AUTS2: variants seen among roughly 807,000 people sequenced by gnomAD.
AUTS2 encodes autism susceptibility gene 2 protein.
Under a neutral mutation model 112.4 loss-of-function variants are expected in AUTS2, and 17 were observed. The ratio of observed to expected loss-of-function variants is 0.15; its 90% confidence interval spans 0.10 to 0.23. AUTS2 has a LOEUF of 0.23. Ranked by LOEUF, AUTS2 falls within the 10% of genes least tolerant of loss-of-function variation. The probability of loss-of-function intolerance (pLI) is 1.00; values close to 1 mark genes in which losing one functional copy is unlikely to be tolerated. For missense variants in AUTS2, 1,510 were observed against 1,701.6 expected (o/e 0.89, Z 1.98); for synonymous variants, 751 against 702.7 (o/e 1.07, Z -1.09).
At chr7:70,117,109 T>C (rs201302556) in intron 2 of AUTS2, among the ~76,000 whole-genome samples, 1 of 90,732 alleles carries the variant, frequency 1.1e-5, no homozygotes, top group African/African-American at 4.5e-5. Flanking sequence ...CTTTTGTTTT[T>C]TTTTTTTGTT....
chr7:69,678,139 A>T (rs1327063128), intron 1 of AUTS2, among the ~76,000 whole-genome samples: 1 of 152,106 alleles, frequency 6.6e-6, no homozygotes, highest in African/African-American at 2.4e-5. Context: ...GGAAGTGCTC[A>T]TCTGAAAGGC....
chr7:70,675,020 G>A (rs1585485200), intron 5 of AUTS2, among the ~76,000 whole-genome samples: 1 of 152,136 alleles, frequency 6.6e-6, no homozygotes, highest in Non-Finnish European at 1.5e-5. Flanking sequence ...ATTCAGGCTG[G>A]CAATTTCTAT....
chr7:69,785,805 C>T (rs560416345), intron 1 of AUTS2, among the ~76,000 whole-genome samples: 52 of 152,306 alleles, frequency 3.4e-4, no homozygotes, highest in African/African-American at 1.2e-3. Context: ...TTCCACAAGA[C>T]ACCCTATCAC....
chr7:69,754,184 C>T (rs1336081289), intron 1 of AUTS2, among the ~76,000 whole-genome samples: 2 of 152,274 alleles, frequency 1.3e-5, no homozygotes, highest in South Asian at 4.2e-4. Context: ...CTTCATGCCT[C>T]AGCCAATCCA....
At chr7:70,785,100 C>A in intron 16 of AUTS2, 81 bp downstream of exon 16, 1 of 1,467,250 alleles carries the variant, frequency 6.8e-7, no homozygotes, top group Non-Finnish European at 9.5e-7. Context: ...GCTGCACCTC[C>A]GGGCAAGCTG....
chr7:70,277,926 T>TTGGGTGTGTG (rs1788004876), intron 4 of AUTS2, among the ~76,000 whole-genome samples: 1 of 129,088 alleles, frequency 7.7e-6, no homozygotes, highest in Non-Finnish European at 1.7e-5. Flanking sequence ...CCTTGTGTAT[T>TTGGGTGTGTG]TGTGTGTGTG....
intron 4 of AUTS2, among the ~76,000 whole-genome samples, chr7:70,342,286 A>C (rs1399650773): frequency 6.6e-6 from 1 of 152,124 alleles, no homozygotes; most frequent in Non-Finnish European, 1.5e-5. Flanking sequence ...ACTGGAAAGG[A>C]AACTATAATG....
At chr7:69,618,786 T>C (rs992395497) in intron 1 of AUTS2, among the ~76,000 whole-genome samples, 5 of 152,196 alleles carry the variant, frequency 3.3e-5, no homozygotes, top group African/African-American at 1.2e-4. Context: ...CTTATGACTT[T>C]ACTGTAATTT....
chr7:70,133,160 G>A (rs1584770862), intron 3 of AUTS2, among the ~76,000 whole-genome samples: 1 of 152,146 alleles, frequency 6.6e-6, no homozygotes, highest in Non-Finnish European at 1.5e-5. Context: ...TGTGTGAAAC[G>A]CTGAGATGAG....
intron 5 of AUTS2, among the ~76,000 whole-genome samples, chr7:70,553,547 C>G (rs1044135637): frequency 6.6e-6 from 1 of 152,132 alleles, no homozygotes; most frequent in African/African-American, 2.4e-5. Flanking sequence ...AGTGTTGACT[C>G]TGTCTTTGTA....
intron 1 of AUTS2, among the ~76,000 whole-genome samples, chr7:69,799,355 T>A (rs936086897): frequency 2.6e-5 from 4 of 152,130 alleles, no homozygotes; most frequent in African/African-American, 7.2e-5. Context: ...TTTGAACTCC[T>A]CAGCTCAGAG....
At chr7:70,576,489 A>T (rs1374480123) in intron 5 of AUTS2, among the ~76,000 whole-genome samples, 1 of 152,174 alleles carries the variant, frequency 6.6e-6, no homozygotes, top group Non-Finnish European at 1.5e-5. Flanking sequence ...AACAATTAGA[A>T]GGTTGGACTT....
At chr7:69,691,136 C>T (rs559264382) in intron 1 of AUTS2, among the ~76,000 whole-genome samples, 4 of 152,216 alleles carry the variant, frequency 2.6e-5, no homozygotes, top group South Asian at 4.2e-4. Flanking sequence ...TTTATGGGCT[C>T]GGAAGGGAGG....
At chr7:70,204,196 A>C (rs1810453911) in intron 4 of AUTS2, among the ~76,000 whole-genome samples, 1 of 152,194 alleles carries the variant, frequency 6.6e-6, no homozygotes. Flanking sequence ...TGCCTCATTC[A>C]TATTTTCAAA....
intron 4 of AUTS2, among the ~76,000 whole-genome samples, chr7:70,255,770 G>A (rs1786835757): frequency 6.6e-6 from 1 of 152,016 alleles, no homozygotes; most frequent in African/African-American, 2.4e-5. Flanking sequence ...ACTAAATCAT[G>A]TCTATCAAAA....
Position 70,763,024 on chromosome 7 carries a change from C to T in AUTS2, c.897C>T (p.Cys299=). 6.2e-7 allele frequency: 1 copy of T among 1,614,106 alleles called. No individual in the cohort carries two copies. Among genetic ancestry groups the T allele is most frequent in the African/African-American group, 1.3e-5 (1 of 75,012 alleles). Residue 299 remains cysteine, a synonymous_variant, in exon 7 of 19, where the codon TGC becomes TGT. Coordinates refer to ENST00000342771, the MANE Select transcript of AUTS2 (RefSeq NM_015570.4). The part of the protein sequence containing the change: ...IFEPVVLKDP[C]PQVAQPIPQP... ...AGCCTGTGGTGCTTAAAGACCCCTGCCCTCAGGTCGCACAGCCAATACCCC... is the reference window on the plus strand; with the variant it reads ...AGCCTGTGGTGCTTAAAGACCCCTGTCCTCAGGTCGCACAGCCAATACCCC...
chr7:70,574,176 T>A (rs1802064580), intron 5 of AUTS2, among the ~76,000 whole-genome samples: 1 of 152,168 alleles, frequency 6.6e-6, no homozygotes, highest in African/African-American at 2.4e-5. Context: ...AAGGGCTGTG[T>A]AAGGGGGCAT....
intron 4 of AUTS2, among the ~76,000 whole-genome samples, chr7:70,166,106 A>G (rs1381959193): frequency 6.6e-6 from 1 of 152,154 alleles, no homozygotes; most frequent in Non-Finnish European, 1.5e-5. Context: ...CCTCTCAGTC[A>G]TAATTTCTGT....
intron 1 of AUTS2, among the ~76,000 whole-genome samples, chr7:69,794,165 G>A (rs377680038): frequency 3.9e-5 from 6 of 152,214 alleles, no homozygotes; most frequent in Non-Finnish European, 7.3e-5. Flanking sequence ...CTTGCCCAAA[G>A]TACTAGTAAG....
Sources: allele counts gnomAD v4.1 joint callset (sites outside exome capture counted in the v4.1 genomes callset), GRCh38; gene constraint gnomAD v4.1.1; transcripts MANE v1.5; gene names NCBI Gene and HGNC (gene_info 2026-07-23, HGNC 2026-07-21).